EFR3B: variants seen among roughly 807,000 people sequenced by gnomAD.
EFR3B encodes the protein EFR3 homolog B.
A neutral mutation model predicts 104.7 loss-of-function variants in EFR3B; 64 were observed. The observed-to-expected ratio is 0.61, with a 90% CI of 0.50 to 0.75. EFR3B has a LOEUF of 0.75. EFR3B is among the 30% of genes least tolerant of loss of function. The pLI is 0.00. For synonymous variants in EFR3B, 385 were observed against 417.9 expected, an observed-to-expected ratio of 0.92 and a Z score of 0.96; for missense variants, 750 against 1,078.5, an observed-to-expected ratio of 0.70 and a Z score of 4.27.
chr2:25,129,748 A>AT (rs1336495913), intron 6 of EFR3B, among the ~76,000 whole-genome samples: 1 of 152,164 alleles, frequency 6.6e-6, no homozygotes. Flanking sequence ...GGATTTCCAG[A>AT]AAAAGAACTT....
At chr2:25,061,758 A>G (rs1346133000) in intron 1 of EFR3B, among the ~76,000 whole-genome samples, 3 of 152,036 alleles carry the variant, frequency 2.0e-5, no homozygotes, top group Non-Finnish European at 4.4e-5. Flanking sequence ...GGCCTCCCAA[A>G]GTGCTGGGAT....
intron 6 of EFR3B, among the ~76,000 whole-genome samples, chr2:25,128,676 G>C (rs1670234506): frequency 6.6e-6 from 1 of 152,090 alleles, no homozygotes; most frequent in Non-Finnish European, 1.5e-5. Context: ...TGCCTTTTGT[G>C]GGCCGGGCGC....
chr2:25,116,837 G>A (rs1057377269), intron 4 of EFR3B, among the ~76,000 whole-genome samples: 1 of 152,032 alleles, frequency 6.6e-6, no homozygotes, highest in African/African-American at 2.4e-5. Flanking sequence ...TTTTAGGAAA[G>A]GGATTACCAC....
At chr2:25,149,184 C>T (rs375554013) in intron 19 of EFR3B, among the ~76,000 whole-genome samples, 1 of 151,816 alleles carries the variant, frequency 6.6e-6, no homozygotes, top group African/African-American at 2.4e-5. Context: ...CCCGTCTCTA[C>T]TAAAAATATA....
At chr2:25,055,913 T>C (rs1036850619) in intron 1 of EFR3B, among the ~76,000 whole-genome samples, 1 of 152,234 alleles carries the variant, frequency 6.6e-6, no homozygotes, top group African/African-American at 2.4e-5. Flanking sequence ...ACACAACAGA[T>C]CTGTGAACCT....
chr2:25,089,380 G>A (rs1435970549), intron 1 of EFR3B, among the ~76,000 whole-genome samples: 6 of 152,174 alleles, frequency 3.9e-5, no homozygotes, highest in Admixed American at 3.3e-4. Context: ...CAGCTCACAG[G>A]CCCTTCAGAA....
intron 3 of EFR3B, among the ~76,000 whole-genome samples, chr2:25,094,542 A>C (rs907297750): frequency 1.3e-5 from 2 of 152,148 alleles, no homozygotes; most frequent in Admixed American, 6.5e-5. Context: ...GTGCATACTG[A>C]AATACTAAGA....
At chr2:25,134,114 T>G (rs1670454688) in intron 12 of EFR3B, among the ~76,000 whole-genome samples, 1 of 152,108 alleles carries the variant, frequency 6.6e-6, no homozygotes, top group African/African-American at 2.4e-5. Flanking sequence ...GCTACAACAG[T>G]AATTGTCTAG....
chr2:25,144,855 A>T, intron 18 of EFR3B, 105 bp from the exon 19 acceptor site: 1 of 910,298 alleles, frequency 1.1e-6, no homozygotes, highest in African/African-American at 1.6e-5. Context: ...GCCTTAGAGG[A>T]CTGTGGACCA....
intron 1 of EFR3B, among the ~76,000 whole-genome samples, chr2:25,087,414 T>A (rs1165164290): frequency 2.0e-5 from 3 of 152,012 alleles, no homozygotes; most frequent in African/African-American, 7.2e-5. Context: ...ATTAGCTATG[T>A]CTTCTACAAA....
intron 1 of EFR3B, among the ~76,000 whole-genome samples, chr2:25,043,231 C>G (rs763219095): frequency 3.9e-5 from 6 of 152,182 alleles, no homozygotes; most frequent in Non-Finnish European, 7.3e-5. Context: ...ACCCAGGTCT[C>G]TGGCAGCTCT....
At chr2:25,060,878 C>T (rs59979714) in intron 1 of EFR3B, among the ~76,000 whole-genome samples, 28,438 of 151,042 alleles carry the variant, frequency 0.19, 2,850 homozygotes, top group East Asian at 0.25. Context: ...CCGAGATCGC[C>T]CCACTGCACT....
intron 5 of EFR3B, among the ~76,000 whole-genome samples, chr2:25,123,927 G>A (rs144523744): frequency 6.3e-4 from 96 of 152,348 alleles, no homozygotes; most frequent in Non-Finnish European, 1.1e-3. Flanking sequence ...GCTGAGGTTG[G>A]CTCCCAGCCA....
At chr2:25,144,112 G>T (rs1262420704) in intron 18 of EFR3B, among the ~76,000 whole-genome samples, 1 of 152,208 alleles carries the variant, frequency 6.6e-6, no homozygotes, top group East Asian at 1.9e-4. Context: ...AGGTTCCATT[G>T]TGCTGGAAAG....
intron 1 of EFR3B, among the ~76,000 whole-genome samples, chr2:25,064,510 G>A (rs1668279574): frequency 6.6e-6 from 1 of 152,188 alleles, no homozygotes; most frequent in Non-Finnish European, 1.5e-5. Flanking sequence ...AAGCATGAAT[G>A]TGTTGTAAAG....
intron 1 of EFR3B, among the ~76,000 whole-genome samples, chr2:25,070,799 C>G (rs913847340): frequency 6.6e-6 from 1 of 152,186 alleles, no homozygotes; most frequent in African/African-American, 2.4e-5. Flanking sequence ...GAGGGACAGA[C>G]TCTACTAAAC....
At position 25,128,375 on chromosome 2, in the gene EFR3B, C is replaced by G. The variant is rs1670224186; in HGVS notation, c.635+43C>G. On this transcript the variant is annotated intron_variant, in intron 6 of 22. Coordinates refer to ENST00000403714, the MANE Select transcript of EFR3B (RefSeq NM_014971.2). ...GGGCAGGACAGTAGATATAATCAAC[C>G]CTCCAAGGGCTGCTTGGGAACCACA... is the stretch of plus-strand genomic sequence containing the variant. 1.9e-6 allele frequency: 3 copies of G among 1,547,010 alleles called. No homozygotes were observed. The East Asian group carries it at 7.4e-5, about 38-fold the overall frequency.
At chr2:25,101,539 G>A (rs575085782) in intron 3 of EFR3B, among the ~76,000 whole-genome samples, 4 of 152,186 alleles carry the variant, frequency 2.6e-5, no homozygotes, top group African/African-American at 7.2e-5. Context: ...CATAAAGAAG[G>A]GGTCTCGCCA....
At chr2:25,148,361 C>A (rs1186088361) in intron 19 of EFR3B, among the ~76,000 whole-genome samples, 1 of 151,744 alleles carries the variant, frequency 6.6e-6, no homozygotes, top group Non-Finnish European at 1.5e-5. Context: ...TCAAGCAATT[C>A]TCTTGCCTCA....
Sources: gnomAD v4.1 joint callset for allele counts (sites outside exome capture counted in the v4.1 genomes callset) on GRCh38, gnomAD v4.1.1 for gene constraint, MANE v1.5 for transcripts, NCBI Gene and HGNC (gene_info 2026-07-23, HGNC 2026-07-21) for gene names.